RMDN2: variants seen among roughly 807,000 people sequenced by gnomAD.
The protein encoded by RMDN2 is regulator of microtubule dynamics 2, also known as regulator of microtubule dynamics protein 2.
A neutral mutation model predicts 52.8 loss-of-function variants in RMDN2; 61 were observed. The ratio of observed to expected loss-of-function variants is 1.16; its 90% CI spans 0.94 to 1.43. RMDN2 has a LOEUF of 1.43. RMDN2 is among the 40% of genes most tolerant of loss of function. The pLI, the probability that RMDN2 is intolerant of heterozygous loss-of-function variation, is 0.00. For missense variants in RMDN2, 592 were observed against 475.3 expected (o/e 1.25, Z -2.28); for synonymous variants, 180 against 153.1 (o/e 1.18, Z -1.30).
intron 2 of RMDN2, among the ~76,000 whole-genome samples, chr2:37,954,413 A>G (rs1297175921): frequency 6.6e-6 from 1 of 152,016 alleles, no homozygotes; most frequent in African/African-American, 2.4e-5. Flanking sequence ...ATTCTTTTAT[A>G]TGTGGATATC....
At chr2:37,953,930 G>A (rs1451684430) in intron 2 of RMDN2, among the ~76,000 whole-genome samples, 1 of 151,912 alleles carries the variant, frequency 6.6e-6, no homozygotes, top group African/African-American at 2.4e-5. Context: ...GTTTTTATTT[G>A]AATATCCCTA....
chr2:37,982,060 T>C, intron 5 of RMDN2, among the ~76,000 whole-genome samples: 1 of 152,168 alleles, frequency 6.6e-6, no homozygotes, highest in East Asian at 1.9e-4. Context: ...AATAAATGTA[T>C]GACCCTTTCT....
chr2:38,018,428 A>G (rs972103166), downstream of RMDN2, among the ~76,000 whole-genome samples: 1 of 152,252 alleles, frequency 6.6e-6, no homozygotes, highest in Non-Finnish European at 1.5e-5. Flanking sequence ...AATCATAAAG[A>G]GTAAAGTGCA....
intron 2 of RMDN2, among the ~76,000 whole-genome samples, chr2:37,960,675 C>G (rs1223017101): frequency 6.6e-6 from 1 of 151,932 alleles, no homozygotes; most frequent in Non-Finnish European, 1.5e-5. Context: ...AGTTGGGGCA[C>G]TTAGCCCACT....
chr2:38,036,337 A>G (rs1298603905), intron 10 of RMDN2: 4 of 152,220 alleles, frequency 2.6e-5, no homozygotes, highest in Admixed American at 1.3e-4. Flanking sequence ...ATGTGAGTAC[A>G]CTTTGCAGCT....
At chr2:37,951,583 G>A (rs761349993) in intron 2 of RMDN2, 9 of 1,612,896 alleles carry the variant, frequency 5.6e-6, no homozygotes, top group East Asian at 4.5e-5. Context: ...TTTATTTCCC[G>A]CAGAAGACGT....
At chr2:37,962,350 C>G (rs1480602950) in intron 2 of RMDN2, among the ~76,000 whole-genome samples, 1 of 152,182 alleles carries the variant, frequency 6.6e-6, no homozygotes, top group African/African-American at 2.4e-5. Flanking sequence ...TCTGTAAGCC[C>G]CTGACTGGTG....
At chr2:37,999,983 G>A (rs540824756) in intron 8 of RMDN2, among the ~76,000 whole-genome samples, 1 of 152,214 alleles carries the variant, frequency 6.6e-6, no homozygotes, top group Non-Finnish European at 1.5e-5. Flanking sequence ...TTTTTGTGAA[G>A]GTTACAGAAA....
rs1266613846 is a variant in RMDN2, at chr2:37,991,231, T to C, written c.879T>C (p.Asp293=). The part of the protein sequence containing the change: ...NYGHLFKEHL[D]IAIKLLPEEP... ...GATGCTTTTTTCAGGAACATCTAGA[T>C]ATAGCAATCAAACTTTTACCAGAGG... Residue 293 remains aspartate (D), a synonymous_variant, in exon 7 of 11, where the codon GAT becomes GAC. Coordinates refer to ENST00000354545, the MANE Select transcript of RMDN2 (RefSeq NM_001170791.3). 5 of 1,584,088 alleles carry C rather than the reference T, an allele frequency of 3.2e-6. No individual in the cohort carries two copies. In the South Asian group the frequency reaches 4.6e-5, roughly 14 times the overall value.
intron 8 of RMDN2, chr2:37,998,293 G>A (rs1303565253): frequency 1.3e-5 from 2 of 152,216 alleles, no homozygotes; most frequent in East Asian, 3.9e-4. Flanking sequence ...TTGGAAGGCC[G>A]AGGTAGGAGG....
At chr2:38,005,844 T>A (rs1431853143) in intron 10 of RMDN2, among the ~76,000 whole-genome samples, 79 of 152,224 alleles carry the variant, frequency 5.2e-4, no homozygotes, top group Admixed American at 5.0e-3. Context: ...AGGTCTAACA[T>A]GTAAGTCTTT....
chr2:37,972,716 G>T (rs142113358), intron 2 of RMDN2, among the ~76,000 whole-genome samples: 1 of 152,070 alleles, frequency 6.6e-6, no homozygotes, highest in Non-Finnish European at 1.5e-5. Context: ...AGACCAAGGT[G>T]GTAGTGGGGA....
intron 10 of RMDN2, among the ~76,000 whole-genome samples, chr2:38,032,206 C>G (rs564322563): frequency 6.6e-6 from 1 of 152,160 alleles, no homozygotes; most frequent in Non-Finnish European, 1.5e-5. Context: ...ACATATAGAG[C>G]ATGACCATCG....
chr2:37,991,413 A>G (rs1480458134), intron 7 of RMDN2, 116 bp downstream of exon 7: 5 of 385,690 alleles, frequency 1.3e-5, no homozygotes, highest in Non-Finnish European at 2.3e-5. Flanking sequence ...GAGAATTATA[A>G]TAGCAATAAA....
intron 10 of RMDN2, 48 bp downstream of exon 10, chr2:38,004,264 T>G (rs1558538726): frequency 1.5e-5 from 19 of 1,301,952 alleles, no homozygotes; most frequent in Non-Finnish European, 2.0e-5. Context: ...TTAGTACTAT[T>G]CGAGCTCAAA....
At chr2:37,933,075 C>T (rs1010062507) in intron 2 of RMDN2, among the ~76,000 whole-genome samples, 7 of 151,568 alleles carry the variant, frequency 4.6e-5, no homozygotes, top group African/African-American at 9.7e-5. Flanking sequence ...GGTTGCCAGG[C>T]AGAGGGTCTC....
intron 4 of RMDN2, among the ~76,000 whole-genome samples, chr2:37,977,506 A>G (rs369112699): frequency 6.7e-6 from 1 of 148,170 alleles, no homozygotes; most frequent in South Asian, 2.2e-4. Context: ...CCGGGCGGAG[A>G]CGCGCCTCAC....
chr2:37,946,141 G>T (rs530758539), intron 2 of RMDN2, among the ~76,000 whole-genome samples: 9 of 152,098 alleles, frequency 5.9e-5, no homozygotes, highest in Admixed American at 1.3e-4. Flanking sequence ...AATTAATAGC[G>T]TTATAGAACT....
intron 2 of RMDN2, 93 bp downstream of exon 2, chr2:37,929,822 C>G (rs970712197): frequency 1.3e-6 from 1 of 782,644 alleles, no homozygotes; most frequent in Non-Finnish European, 2.0e-6. Flanking sequence ...AGTCATATAT[C>G]CTGCTGCTCA....
Sources: allele counts gnomAD v4.1 joint callset (sites outside exome capture counted in the v4.1 genomes callset), GRCh38; gene constraint gnomAD v4.1.1; transcripts MANE v1.5; gene names NCBI Gene and HGNC (gene_info 2026-07-23, HGNC 2026-07-21).